ANKRD36C: variants seen among roughly 807,000 people sequenced by gnomAD.
ANKRD36C encodes ankyrin repeat domain-containing protein 36C.
A neutral mutation model predicts 276.4 loss-of-function variants in ANKRD36C; 61 were observed. That is an observed-to-expected ratio of 0.22 (90% confidence interval 0.18 to 0.27). ANKRD36C has a LOEUF of 0.27. ANKRD36C is among the 10% of genes least tolerant of loss of function. The pLI, the probability that ANKRD36C is intolerant of heterozygous loss-of-function variation, is 1.00. For missense variants in ANKRD36C, 1,447 were observed against 2,032.3 expected (o/e 0.71, Z 5.54); for synonymous variants, 483 against 680.1 (o/e 0.71, Z 4.51).
chr2:95,867,489 A>G, exon 60 of ANKRD36C: 1 of 1,420,638 alleles, frequency 7.0e-7, no homozygotes, highest in South Asian at 1.3e-5. Flanking sequence ...CATTCTTACA[A>G]TTACAGCAAA....
At chr2:95,888,058 T>A (rs750372268) in intron 49 of ANKRD36C, 34 bp downstream of exon 69, 1 of 1,609,862 alleles carries the variant, frequency 6.2e-7, no homozygotes, top group Admixed American at 1.7e-5. Flanking sequence ...ACCACACAGT[T>A]AATAGTTCAC....
At chr2:95,952,757 T>C (rs1389402181) in intron 14 of ANKRD36C, among the ~76,000 whole-genome samples, 1 of 152,302 alleles carries the variant, frequency 6.6e-6, no homozygotes, top group African/African-American at 2.4e-5. Flanking sequence ...AATTATTAGA[T>C]ATGTCATGCA....
At chr2:95,894,053 T>G (rs1408899879) in intron 44 of ANKRD36C, among the ~76,000 whole-genome samples, 1 of 151,522 alleles carries the variant, frequency 6.6e-6, no homozygotes, top group African/African-American at 2.4e-5. Flanking sequence ...CTCACACACC[T>G]GAGAATCAAT....
intron 6 of ANKRD36C, among the ~76,000 whole-genome samples, chr2:95,962,801 C>T (rs1339165399): frequency 6.6e-6 from 1 of 151,968 alleles, no homozygotes; most frequent in Admixed American, 6.6e-5. Context: ...TAAAATGAAA[C>T]AGTGTCAGTA....
At chr2:95,959,208 A>G (rs990844736) in intron 10 of ANKRD36C, among the ~76,000 whole-genome samples, 1 of 152,172 alleles carries the variant, frequency 6.6e-6, no homozygotes, top group African/African-American at 2.4e-5. Context: ...ACAAATATTT[A>G]TCATGTTCTT....
chr2:95,980,921 T>C, intron 4 of ANKRD36C, 136 bp from the exon 5 acceptor site: 1 of 1,308,622 alleles, frequency 7.6e-7, no homozygotes, highest in African/African-American at 1.5e-5. Flanking sequence ...GCATCTTAGG[T>C]GCTCAAGGGT....
chr2:95,991,503 C>T lies in ANKRD36C; in HGVS notation c.197+9G>A, dbSNP rs576358671. 3 of 1,586,656 alleles carry T rather than the reference C, an allele frequency of 1.9e-6. No individual in the cohort carries two copies. The highest frequency in any genetic ancestry group is 1.8e-5 in the Admixed American group (1 of 54,688). On this transcript the variant is annotated intron_variant, in intron 1 of 66. Transcript: ENST00000456556. Reference sequence around the variant, plus strand: ...TCCTCCCGCAGCCCCGGCTCCCGGCCCCCATTACCTTTCCTTCCTGTCTCT... The same window carrying T: ...TCCTCCCGCAGCCCCGGCTCCCGGCTCCCATTACCTTTCCTTCCTGTCTCT...
At chr2:95,956,375 G>C (rs2918866) in intron 13 of ANKRD36C, among the ~76,000 whole-genome samples, 7 of 145,074 alleles carry the variant, frequency 4.8e-5, no homozygotes, top group African/African-American at 1.7e-4. Flanking sequence ...GGCTTCTAAG[G>C]AATACTCTAA....
At chr2:95,894,301 C>G (rs1322596777) in intron 44 of ANKRD36C, 3 of 155,888 alleles carry the variant, frequency 1.9e-5, no homozygotes, top group African/African-American at 7.3e-5. Flanking sequence ...CATTATCTCT[C>G]ACACCCATGT....
chr2:95,974,606 A>T (rs1678766426), intron 6 of ANKRD36C, among the ~76,000 whole-genome samples: 2 of 152,168 alleles, frequency 1.3e-5, no homozygotes, highest in Non-Finnish European at 1.5e-5. Context: ...TTTCTCCATG[A>T]TGTTATATAA....
intron 4 of ANKRD36C, among the ~76,000 whole-genome samples, chr2:95,981,368 A>G (rs1220975492): frequency 3.4e-5 from 5 of 148,178 alleles, no homozygotes; most frequent in Non-Finnish European, 7.4e-5. Context: ...TATATTATAT[A>G]TAATCTATAA....
intron 6 of ANKRD36C, among the ~76,000 whole-genome samples, chr2:95,967,062 A>T (rs1678606693): frequency 6.6e-6 from 1 of 152,042 alleles, no homozygotes; most frequent in South Asian, 2.1e-4. Context: ...GGGCTGAGAC[A>T]ATTTGGTTTT....
At chr2:95,888,192 T>C in intron 48 of ANKRD36C, 72 bp from the exon 69 acceptor site, 1 of 1,598,756 alleles carries the variant, frequency 6.3e-7, no homozygotes, top group Non-Finnish European at 8.5e-7. Flanking sequence ...TCATGCACTG[T>C]TGGCATCAAG....
chr2:95,968,572 C>T (rs956630264), intron 6 of ANKRD36C, among the ~76,000 whole-genome samples: 11 of 152,104 alleles, frequency 7.2e-5, no homozygotes, highest in South Asian at 2.1e-4. Flanking sequence ...TCTCTCACAC[C>T]GCAACAACAA....
At position 95,912,370 on chromosome 2, in the gene ANKRD36C, G is replaced by T. The variant is rs770050122; in HGVS notation, c.2580+37C>A. The T allele has an allele frequency of 6.9e-6, 11 of 1,603,314 alleles. No homozygotes were observed. The South Asian group carries it at 8.8e-5, about 13-fold the overall frequency. ...ATAAGGTATGTTTCATAGGCTTTAC[G>T]TTTACTAGCTCACAATATGAATGAG... On this transcript the variant is annotated intron_variant, in intron 41 of 66. Coordinates refer to ENST00000456556, the Ensembl canonical transcript of ANKRD36C.
chr2:95,910,284 T>A, intron 42 of ANKRD36C, 89 bp downstream of exon 46: 1 of 1,383,604 alleles, frequency 7.2e-7, no homozygotes, highest in Non-Finnish European at 9.7e-7. Context: ...AAAGTGCAGC[T>A]TCGACGAGCC....
rs200431759 is a variant in ANKRD36C at position 95,852,411 on chromosome 2, C to G, written c.5149-215G>C. ...ACACCCCTTCAGTCTGCATATTGTT[C>G]ATGGCTACTTTTGTGCTGTAACTGC... On this transcript the variant is annotated intron_variant, in intron 64 of 66. Transcript: ENST00000456556. The G allele has an allele frequency of 5.8e-6, 3 of 518,010 alleles. No individual in the cohort carries two copies. The East Asian group carries it at 1.1e-4, about 18-fold the overall frequency. The allele number at this position is 518,010 out of a possible 1,614,324, so 32.1% of individuals were successfully genotyped here. A position where few individuals can be genotyped will look rare whatever the true frequency, so the allele number is the denominator to read the frequency against.
At chr2:95,873,242 A>T (rs1001972008) in intron 59 of ANKRD36C, among the ~76,000 whole-genome samples, 1 of 152,116 alleles carries the variant, frequency 6.6e-6, no homozygotes, top group Admixed American at 6.5e-5. Flanking sequence ...CAGTATCCTT[A>T]ATGAACATTG....
chr2:95,880,359 A>G (rs1352543869), intron 58 of ANKRD36C, 68 bp downstream of exon 78: 40 of 1,104,076 alleles, frequency 3.6e-5, no homozygotes. Flanking sequence ...GAGAATAGAA[A>G]GACTATGAGC....
Sources: gnomAD v4.1 joint callset for allele counts (sites outside exome capture counted in the v4.1 genomes callset) on GRCh38, gnomAD v4.1.1 for gene constraint, MANE v1.5 for transcripts, NCBI Gene and HGNC (gene_info 2026-07-23, HGNC 2026-07-21) for gene names.